The following TMEM132C variants were observed in gnomAD, a reference collection of about 807,000 sequenced individuals.
The protein encoded by TMEM132C is protein phosphatase 1, regulatory subunit 152.
In TMEM132C, 29 loss-of-function variants were observed where a neutral mutation model predicts 61.4. The observed-to-expected ratio is 0.47, with a 90% confidence interval of 0.35 to 0.64. The LOEUF (loss-of-function observed/expected upper bound fraction) is 0.64. Among genes scored for constraint, TMEM132C ranks in the 30% least tolerant of loss-of-function variants. The pLI, the probability that TMEM132C is intolerant of heterozygous loss-of-function variation, is 0.00. For synonymous variants in TMEM132C, 656 were observed against 633.1 expected, an observed-to-expected ratio of 1.04 and a Z score of -0.54; for missense variants, 1,408 against 1,476.9, an observed-to-expected ratio of 0.95 and a Z score of 0.76.
chr12:128,534,611 T>C (rs570598008), intron 2 of TMEM132C, among the ~76,000 whole-genome samples: 28 of 152,222 alleles, frequency 1.8e-4, no homozygotes, highest in Non-Finnish European at 3.5e-4. Context: ...TTCCCTGGGC[T>C]TGCACCTTGA....
At chr12:128,312,171 A>C (rs1049216621) in intron 1 of TMEM132C, among the ~76,000 whole-genome samples, 1 of 152,140 alleles carries the variant, frequency 6.6e-6, no homozygotes, top group Non-Finnish European at 1.5e-5. Flanking sequence ...GTTCCCCCCA[A>C]ATCTCATGTC....
At chr12:128,574,621 G>A (rs1033950393) in intron 3 of TMEM132C, among the ~76,000 whole-genome samples, 3 of 152,238 alleles carry the variant, frequency 2.0e-5, no homozygotes, top group African/African-American at 7.2e-5. Context: ...TGGAGGGCAG[G>A]CGAGAGACTT....
intron 1 of TMEM132C, among the ~76,000 whole-genome samples, chr12:128,276,175 G>A (rs1285675978): frequency 2.0e-5 from 3 of 152,158 alleles, no homozygotes; most frequent in Non-Finnish European, 2.9e-5. Flanking sequence ...TTGAGGCCAT[G>A]CAAACTATTG....
At chr12:128,636,081 C>T (rs1346434378) in intron 4 of TMEM132C, among the ~76,000 whole-genome samples, 1 of 152,202 alleles carries the variant, frequency 6.6e-6, no homozygotes, top group Admixed American at 6.5e-5. Context: ...GACAGGGTCT[C>T]ACTCTGTTGC....
chr12:128,350,452 TGAGTG>T (rs1873305106), intron 1 of TMEM132C, among the ~76,000 whole-genome samples: 1 of 152,010 alleles, frequency 6.6e-6, no homozygotes, highest in Non-Finnish European at 1.5e-5. Flanking sequence ...CACAGAGACT[TGAGTG>T]AAGTGAAGAA....
chr12:128,507,377 T>C (rs2136114534), intron 2 of TMEM132C, among the ~76,000 whole-genome samples: 2 of 143,494 alleles, frequency 1.4e-5, no homozygotes, highest in Non-Finnish European at 3.0e-5. Flanking sequence ...TGTCCAGGTG[T>C]TTTTTTCTTT....
At chr12:128,489,581 A>ATG (rs1813037063) in intron 2 of TMEM132C, among the ~76,000 whole-genome samples, 1 of 149,880 alleles carries the variant, frequency 6.7e-6, no homozygotes, top group Non-Finnish European at 1.5e-5. Context: ...ATATATATAT[A>ATG]TTCTGTCCAC....
chr12:128,427,560 T>C (rs1869236983), intron 2 of TMEM132C, among the ~76,000 whole-genome samples: 1 of 152,010 alleles, frequency 6.6e-6, no homozygotes, highest in African/African-American at 2.4e-5. Context: ...CTAGGACACT[T>C]CCCCCAGGGC....
At chr12:128,671,419 C>T (rs890618761) in intron 5 of TMEM132C, among the ~76,000 whole-genome samples, 3 of 152,118 alleles carry the variant, frequency 2.0e-5, no homozygotes, top group South Asian at 4.1e-4. Flanking sequence ...AGCATTTTGT[C>T]TCTCTCTGTA....
chr12:128,643,896 T>C (rs554265628), intron 4 of TMEM132C, among the ~76,000 whole-genome samples: 1 of 152,118 alleles, frequency 6.6e-6, no homozygotes, highest in South Asian at 2.1e-4. Flanking sequence ...TCGATGAACT[T>C]GAGCCAAAAA....
intron 5 of TMEM132C, among the ~76,000 whole-genome samples, chr12:128,671,213 C>T (rs1291167349): frequency 6.6e-6 from 1 of 152,188 alleles, no homozygotes; most frequent in African/African-American, 2.4e-5. Flanking sequence ...AAACATATGG[C>T]TTAGAAAGTC....
intron 2 of TMEM132C, among the ~76,000 whole-genome samples, chr12:128,420,588 C>T (rs531106573): frequency 2.0e-5 from 3 of 152,258 alleles, no homozygotes; most frequent in East Asian, 1.9e-4. Flanking sequence ...AGGAATGTCA[C>T]GATGTAACTT....
At chr12:128,604,801 A>AAAT (rs1876356814) in intron 3 of TMEM132C, among the ~76,000 whole-genome samples, 1 of 143,698 alleles carries the variant, frequency 7.0e-6, no homozygotes. Context: ...GATAGTAGAT[A>AAAT]GATGATGGAT....
chr12:128,569,411 A>G (rs529013533), intron 3 of TMEM132C, among the ~76,000 whole-genome samples: 3 of 152,314 alleles, frequency 2.0e-5, no homozygotes, highest in African/African-American at 7.2e-5. Flanking sequence ...TGCCTTTCTT[A>G]CAAAGACAGA....
intron 3 of TMEM132C, among the ~76,000 whole-genome samples, chr12:128,558,521 A>G (rs1874405997): frequency 6.6e-6 from 1 of 152,236 alleles, no homozygotes; most frequent in African/African-American, 2.4e-5. Flanking sequence ...CTCCCCAACC[A>G]TGCTGAACTG....
intron 2 of TMEM132C, among the ~76,000 whole-genome samples, chr12:128,464,122 C>T (rs993646337): frequency 1.3e-5 from 2 of 152,236 alleles, no homozygotes; most frequent in Admixed American, 6.5e-5. Context: ...CCTGATGTCA[C>T]GTCAGGCAAC....
intron 4 of TMEM132C, among the ~76,000 whole-genome samples, chr12:128,668,306 G>A (rs548707091): frequency 2.7e-5 from 4 of 150,766 alleles, no homozygotes; most frequent in African/African-American, 9.8e-5. Context: ...AGATGAAGGG[G>A]GAAAAAAGAT....
chr12:128,399,563 G>A (rs1448517200), intron 1 of TMEM132C, among the ~76,000 whole-genome samples: 1 of 152,014 alleles, frequency 6.6e-6, no homozygotes, highest in East Asian at 1.9e-4. Context: ...TGTTTTGGAG[G>A]CACAGTAAAA....
chr12:128,547,613 A>G (rs1322990474), intron 3 of TMEM132C, among the ~76,000 whole-genome samples: 3 of 151,590 alleles, frequency 2.0e-5, no homozygotes, highest in Non-Finnish European at 4.4e-5. Context: ...TTTTGCATTT[A>G]GGTGAGTCAC....
Sources: gnomAD v4.1 joint callset for allele counts (sites outside exome capture counted in the v4.1 genomes callset) on GRCh38, gnomAD v4.1.1 for gene constraint, MANE v1.5 for transcripts, NCBI Gene and HGNC (gene_info 2026-07-23, HGNC 2026-07-21) for gene names.